The following KIF3A variants were observed in gnomAD, a reference collection of about 807,000 sequenced individuals.
KIF3A encodes kinesin family member 3A.
A neutral mutation model predicts 92.6 loss-of-function variants in KIF3A; 27 were observed. The ratio of observed to expected loss-of-function variants is 0.29; its 90% CI spans 0.21 to 0.40. KIF3A has a LOEUF of 0.40. KIF3A is among the 10% of genes least tolerant of loss of function. The pLI is 1.00. For missense variants in KIF3A, 581 were observed against 872.6 expected (o/e 0.67, Z 4.21); for synonymous variants, 250 against 275.4 (o/e 0.91, Z 0.92).
Position 132,696,414 on chromosome 5 carries a change from T to A in KIF3A, c.*220A>T. On this transcript the variant is annotated 3_prime_UTR_variant, in exon 19 of 19. Transcript: ENST00000403231. Reference sequence around the variant, plus strand: ...CCTGCACAGTACAATTGAAGAGTAGTAGTACAACAATTTGAACAATCACCA... The same window carrying A: ...CCTGCACAGTACAATTGAAGAGTAGAAGTACAACAATTTGAACAATCACCA... 1 of 490,844 alleles carries A rather than the reference T, an allele frequency of 2.0e-6. No homozygotes were observed. The highest frequency in any genetic ancestry group is 3.3e-5 in the East Asian group (1 of 30,104). The allele number at this position is 490,844 out of a possible 1,614,324, so 30.4% of individuals were successfully genotyped here. A position where few individuals can be genotyped will look rare whatever the true frequency, so the allele number is the denominator to read the frequency against.
In KIF3A at chr5:132,708,260, C is replaced by T. The variant is rs1374342807; in HGVS notation, c.1300+647G>A. Among the ~76,000 whole-genome samples the T allele has an allele frequency of 1.0e-4, 10 of 99,694 alleles. No individual in the cohort carries two copies. In the East Asian group the frequency reaches 2.2e-3, roughly 22 times the overall value. 65.4% of individuals were successfully genotyped at this position (99,694 alleles called of 152,430 possible). ...CTGCGCCACTGCACTCCGGCCTAGGCAAAAGAGCAAGACTCCGTCTCAAAA... is the reference window on the plus strand; with the variant it reads ...CTGCGCCACTGCACTCCGGCCTAGGTAAAAGAGCAAGACTCCGTCTCAAAA... On this transcript the variant is annotated intron_variant, in intron 10 of 18. Transcript: ENST00000403231.
chr5:132,714,144 G>A (rs774662775), intron 8 of KIF3A, among the ~76,000 whole-genome samples: 13 of 151,986 alleles, frequency 8.6e-5, no homozygotes, highest in Non-Finnish European at 1.2e-4. Flanking sequence ...TGATCCACCC[G>A]CCTCGGCCTC....
chr5:132,736,704 T>C, intron 1 of KIF3A: 2 of 426,586 alleles, frequency 4.7e-6, no homozygotes, highest in Non-Finnish European at 9.5e-6. Context: ...TGAGGTAAAG[T>C]TTACATGGGA....
intron 2 of KIF3A, among the ~76,000 whole-genome samples, chr5:132,732,874 A>G (rs1754279672): frequency 6.6e-6 from 1 of 152,088 alleles, no homozygotes; most frequent in Non-Finnish European, 1.5e-5. Flanking sequence ...ACGCCACTGC[A>G]ATCCAGCCTG....
intron 2 of KIF3A, among the ~76,000 whole-genome samples, chr5:132,730,551 C>G (rs1219101694): frequency 2.0e-5 from 3 of 151,858 alleles, no homozygotes; most frequent in Admixed American, 2.0e-4. Context: ...CTTTGCAAGG[C>G]TGAGGTGGGA....
At chr5:132,706,562 A>T (rs1753219840) in intron 10 of KIF3A, 103 bp from the exon 11 acceptor site, 1 of 852,888 alleles carries the variant, frequency 1.2e-6, no homozygotes, top group Non-Finnish European at 1.8e-6. Flanking sequence ...AACAAAGAAA[A>T]ATATATAATA....
At chr5:132,727,905 CTTTT>C (rs966073706) in intron 2 of KIF3A, among the ~76,000 whole-genome samples, 3 of 151,964 alleles carry the variant, frequency 2.0e-5, no homozygotes, top group Admixed American at 2.0e-4. Context: ...TTTTCTCAGA[CTTTT>C]TTTTGTGAAA....
intron 1 of KIF3A, among the ~76,000 whole-genome samples, chr5:132,736,407 T>C (rs1754389901): frequency 6.6e-6 from 1 of 152,232 alleles, no homozygotes. Context: ...CTCTCTATTG[T>C]AGGATACCCA....
At chr5:132,720,105 T>C (rs1386828331) in intron 5 of KIF3A, among the ~76,000 whole-genome samples, 1 of 151,878 alleles carries the variant, frequency 6.6e-6, no homozygotes, top group Non-Finnish European at 1.5e-5. Context: ...GCCTCCCGAG[T>C]TGCTGGGATT....
At chr5:132,727,774 G>C (rs1754083357) in intron 2 of KIF3A, among the ~76,000 whole-genome samples, 1 of 152,198 alleles carries the variant, frequency 6.6e-6, no homozygotes. Flanking sequence ...TCGATGTGGG[G>C]AAACAGAGGG....
chr5:132,733,074 T>C (rs576992632), intron 2 of KIF3A, among the ~76,000 whole-genome samples: 56 of 152,168 alleles, frequency 3.7e-4, no homozygotes, highest in African/African-American at 1.1e-3. Context: ...AGAATAGATA[T>C]AGACAGTAAA....
At chr5:132,729,449 C>T (rs938301655) in intron 2 of KIF3A, among the ~76,000 whole-genome samples, 1 of 130,114 alleles carries the variant, frequency 7.7e-6, no homozygotes, top group Non-Finnish European at 1.5e-5. Flanking sequence ...GAGACCTTGT[C>T]TTGAAAAAAA....
At chr5:132,730,855 C>T (rs1754205332) in intron 2 of KIF3A, among the ~76,000 whole-genome samples, 2 of 152,084 alleles carry the variant, frequency 1.3e-5, no homozygotes, top group South Asian at 4.2e-4. Flanking sequence ...CCTGTAGCCT[C>T]AGCTACTGGG....
At chr5:132,725,353 G>A (rs1195117620) in intron 4 of KIF3A, among the ~76,000 whole-genome samples, 1 of 152,038 alleles carries the variant, frequency 6.6e-6, no homozygotes. Flanking sequence ...AGAAAAAAAA[G>A]CTAATATTTA....
intron 2 of KIF3A, among the ~76,000 whole-genome samples, chr5:132,729,952 G>A (rs1413365431): frequency 6.6e-6 from 1 of 151,950 alleles, no homozygotes; most frequent in African/African-American, 2.4e-5. Context: ...ACCAAAAGCT[G>A]GTTCTCTGAG....
chr5:132,710,907 A>T, intron 9 of KIF3A, 52 bp downstream of exon 9: 1 of 1,612,794 alleles, frequency 6.2e-7, no homozygotes, highest in Admixed American at 1.7e-5. Context: ...GCACTCTACC[A>T]CCTTGTGAAA....
chr5:132,723,537 C>T (rs1053680930), intron 4 of KIF3A: 1 of 152,126 alleles, frequency 6.6e-6, no homozygotes, highest in Non-Finnish European at 1.5e-5. Flanking sequence ...CTGACAAAAA[C>T]AAGAAATGGG....
intron 10 of KIF3A, among the ~76,000 whole-genome samples, chr5:132,708,281 CAAAAAAA>C (rs58058674): frequency 3.0e-5 from 2 of 66,478 alleles, no homozygotes; most frequent in African/African-American, 9.1e-5. Flanking sequence ...GACTCCGTCT[CAAAAAAA>C]AAAAAAAAAA....
chr5:132,700,288 A>G lies in KIF3A; in HGVS notation c.1939-4T>C. On this transcript the variant is annotated splice_region_variant and splice_polypyrimidine_tract_variant and intron_variant, in intron 16 of 18. Transcript: ENST00000403231. ...TTCCTGTATAAGCAACACATTTCTC[A>G]AAAAAAGAAAAGGGAGAGACAGAGA... 6.4e-7 allele frequency: 1 copy of G among 1,565,220 alleles called. No homozygotes were observed. Among genetic ancestry groups the G allele is most frequent in the Non-Finnish European group, 8.7e-7 (1 of 1,144,476 alleles).
Sources: gnomAD v4.1 joint callset for allele counts (sites outside exome capture counted in the v4.1 genomes callset) on GRCh38, gnomAD v4.1.1 for gene constraint, MANE v1.5 for transcripts, NCBI Gene and HGNC (gene_info 2026-07-23, HGNC 2026-07-21) for gene names.